Variants in PCDH7 observed in about 807,000 individuals in gnomAD.
PCDH7 encodes the protein protocadherin 7.
Under a neutral mutation model 58.9 loss-of-function variants are expected in PCDH7, and 17 were observed. That is an observed-to-expected ratio of 0.29 (90% CI 0.20 to 0.43). PCDH7 has a LOEUF of 0.43. PCDH7 is among the 20% of genes least tolerant of loss of function. The pLI, the probability that PCDH7 is intolerant of heterozygous loss-of-function variation, is 1.00. For missense variants in PCDH7, 1,274 were observed against 1,441.0 expected (o/e 0.88, Z 1.88); for synonymous variants, 664 against 616.4 (o/e 1.08, Z -1.14).
At chr4:31,123,787 A>C (rs1717962980) in intron 3 of PCDH7, among the ~76,000 whole-genome samples, 3 of 152,072 alleles carry the variant, frequency 2.0e-5, no homozygotes, top group Admixed American at 1.3e-4. Context: ...GATTTTATGG[A>C]GCAATGGAAG....
intron 2 of PCDH7, among the ~76,000 whole-genome samples, chr4:30,924,568 G>A (rs1262338534): frequency 6.6e-6 from 1 of 152,134 alleles, no homozygotes; most frequent in East Asian, 1.9e-4. Context: ...ATAAATCAAA[G>A]GAGTGGACTG....
At chr4:30,875,616 G>A (rs1163206450) in intron 1 of PCDH7, among the ~76,000 whole-genome samples, 2 of 152,032 alleles carry the variant, frequency 1.3e-5, no homozygotes, top group East Asian at 3.9e-4. Context: ...CTAGATTAAT[G>A]CATCAGTGCA....
chr4:31,091,908 T>A (rs1578772760), intron 3 of PCDH7, among the ~76,000 whole-genome samples: 2 of 151,824 alleles, frequency 1.3e-5, no homozygotes, highest in South Asian at 4.2e-4. Context: ...AAATTAGGAG[T>A]ATTTTTAATA....
At chr4:30,850,879 T>C (rs907573999) in intron 1 of PCDH7, among the ~76,000 whole-genome samples, 2 of 152,136 alleles carry the variant, frequency 1.3e-5, no homozygotes, top group Non-Finnish European at 2.9e-5. Flanking sequence ...GTTCTTCGGA[T>C]ACCAGGCTGA....
intron 3 of PCDH7, among the ~76,000 whole-genome samples, chr4:30,954,373 C>G (rs1457421816): frequency 6.6e-6 from 1 of 151,904 alleles, no homozygotes; most frequent in African/African-American, 2.4e-5. Context: ...TATTGTGTGA[C>G]TTTGTACAAT....
intron 3 of PCDH7, among the ~76,000 whole-genome samples, chr4:31,025,151 T>G (rs1754325820): frequency 6.6e-6 from 1 of 152,226 alleles, no homozygotes; most frequent in Admixed American, 6.5e-5. Context: ...GCTGGTGTAA[T>G]GAAACTCACA....
At chr4:30,998,487 T>C (rs936843103) in intron 3 of PCDH7, among the ~76,000 whole-genome samples, 2 of 152,148 alleles carry the variant, frequency 1.3e-5, no homozygotes, top group Non-Finnish European at 2.9e-5. Context: ...CAAAAAGTGG[T>C]AGGATCTCCT....
At chr4:30,985,027 C>T (rs954388201) in intron 3 of PCDH7, among the ~76,000 whole-genome samples, 2 of 152,116 alleles carry the variant, frequency 1.3e-5, no homozygotes, top group Non-Finnish European at 2.9e-5. Context: ...AGTGCAGTGA[C>T]GTGACCTCCG....
At chr4:31,015,712 TA>T (rs1753555615) in intron 3 of PCDH7, among the ~76,000 whole-genome samples, 2 of 152,178 alleles carry the variant, frequency 1.3e-5, no homozygotes, top group South Asian at 4.1e-4. Flanking sequence ...TATTGGTCTT[TA>T]ATACATAACT....
At chr4:30,882,993 T>C (rs147035167) in intron 1 of PCDH7, among the ~76,000 whole-genome samples, 1 of 152,352 alleles carries the variant, frequency 6.6e-6, no homozygotes, top group African/African-American at 2.4e-5. Context: ...AATTTCCCTT[T>C]CAGTGTGATA....
chr4:30,768,954 T>C (rs1239318447), intron 1 of PCDH7, among the ~76,000 whole-genome samples: 2 of 152,226 alleles, frequency 1.3e-5, no homozygotes. Context: ...TAAAACTGTA[T>C]AATTTTTACA....
chr4:30,880,952 T>G (rs79650770), intron 1 of PCDH7, among the ~76,000 whole-genome samples: 3,565 of 152,262 alleles, frequency 0.023, 142 homozygotes, highest in African/African-American at 0.081. Context: ...CTTTACTCTG[T>G]GTTACATTCA....
At chr4:30,994,320 C>CT (rs1206313322) in intron 3 of PCDH7, among the ~76,000 whole-genome samples, 2 of 152,196 alleles carry the variant, frequency 1.3e-5, no homozygotes, top group Non-Finnish European at 2.9e-5. Context: ...CCCCAATACT[C>CT]TGACTATTTC....
intron 3 of PCDH7, among the ~76,000 whole-genome samples, chr4:30,997,322 G>C (rs745935674): frequency 6.6e-6 from 1 of 152,100 alleles, no homozygotes; most frequent in African/African-American, 2.4e-5. Context: ...AAAGGAAAAG[G>C]CTATAAAAAT....
chr4:30,828,247 GA>G (rs55835042), intron 1 of PCDH7, among the ~76,000 whole-genome samples: 13 of 150,522 alleles, frequency 8.6e-5, no homozygotes, highest in Admixed American at 1.3e-4. Context: ...CTTAGTAAAG[GA>G]AAAAAAAATA....
At chr4:31,094,604 C>T (rs1276336503) in intron 3 of PCDH7, among the ~76,000 whole-genome samples, 1 of 152,088 alleles carries the variant, frequency 6.6e-6, no homozygotes, top group Admixed American at 6.6e-5. Context: ...AAGGCACATC[C>T]AGCAGTGGGA....
chr4:30,922,004 TAA>T (rs1178255468), intron 2 of PCDH7, among the ~76,000 whole-genome samples: 1 of 151,040 alleles, frequency 6.6e-6, no homozygotes, highest in African/African-American at 2.4e-5. Flanking sequence ...AAATAAGAAA[TAA>T]GTGATGAATA....
At chr4:30,824,433 C>T (rs1336069239) in intron 1 of PCDH7, among the ~76,000 whole-genome samples, 1 of 152,014 alleles carries the variant, frequency 6.6e-6, no homozygotes, top group Non-Finnish European at 1.5e-5. Flanking sequence ...AATGAATACA[C>T]TCAAGTATTA....
At chr4:30,904,000 A>G (rs1242741317) in intron 1 of PCDH7, among the ~76,000 whole-genome samples, 1 of 152,154 alleles carries the variant, frequency 6.6e-6, no homozygotes, top group Non-Finnish European at 1.5e-5. Context: ...AATTGTTAGA[A>G]TGACATGTGA....
Sources: gnomAD v4.1 joint callset for allele counts (sites outside exome capture counted in the v4.1 genomes callset) on GRCh38, gnomAD v4.1.1 for gene constraint, MANE v1.5 for transcripts, NCBI Gene and HGNC (gene_info 2026-07-23, HGNC 2026-07-21) for gene names.